CCDC198: variants seen among roughly 807,000 people sequenced by gnomAD.
CCDC198 encodes the protein factor associated with metabolism and energy.
CCDC198 carries 18 observed loss-of-function variants against 35.6 expected under a neutral mutation model. The observed-to-expected ratio is 0.51, with a 90% CI of 0.35 to 0.75. The LOEUF is 0.75. CCDC198 is among the 30% of genes least tolerant of loss of function. The probability of loss-of-function intolerance (pLI) is 0.01; values close to 1 mark genes in which losing one functional copy is unlikely to be tolerated. For synonymous variants in CCDC198, 119 were observed against 113.4 expected, an observed-to-expected ratio of 1.05 and a Z score of -0.31; for missense variants, 365 against 343.7, an observed-to-expected ratio of 1.06 and a Z score of -0.49.
chr14:57,493,719 A>T lies in CCDC198; in HGVS notation c.-4T>A. On this transcript the variant is annotated 5_prime_UTR_variant, in exon 1 of 6. The change abolishes an upstream ATG in the 5' untranslated region. Coordinates refer to ENST00000216445, the MANE Select transcript of CCDC198 (RefSeq NM_018168.4). ...TCTTAGAGTGACTCAGGCCCATTTC[A>T]TGTGAAAGACATTCAGAGGAAAGCT... 2 of 1,611,264 alleles carry T rather than the reference A, an allele frequency of 1.2e-6. No individual in the cohort carries two copies. Among genetic ancestry groups the T allele is most frequent in the Non-Finnish European group, 1.7e-6 (2 of 1,178,338 alleles).
chr14:57,474,999 C>T (rs568133640), intron 5 of CCDC198, among the ~76,000 whole-genome samples: 3 of 152,188 alleles, frequency 2.0e-5, no homozygotes, highest in Non-Finnish European at 4.4e-5. Context: ...CAGTGGCTCA[C>T]GCCTGTAATC....
intron 2 of CCDC198, among the ~76,000 whole-genome samples, chr14:57,490,003 GA>G: frequency 1.3e-5 from 2 of 151,862 alleles, no homozygotes; most frequent in Middle Eastern, 6.8e-3. Context: ...AATATTTTGG[GA>G]AAAGATACTC....
rs1053261980 is a variant in CCDC198, at chr14:57,469,635, A to G, written c.*1720T>C. ...ATTTTTTCTAGAAAGCTGGCTAGTCAAACAATGCATGCTTTCTTTTGGTGG... is the reference window on the plus strand; with the variant it reads ...ATTTTTTCTAGAAAGCTGGCTAGTCGAACAATGCATGCTTTCTTTTGGTGG... On this transcript the variant is annotated 3_prime_UTR_variant, in exon 6 of 6. Coordinates refer to ENST00000216445, the MANE Select transcript of CCDC198 (RefSeq NM_018168.4). 1.3e-5 allele frequency: 2 copies of G among 152,196 alleles called. No homozygotes were observed. Among genetic ancestry groups the G allele is most frequent in the Non-Finnish European group, 2.9e-5 (2 of 68,040 alleles). The allele number at this position is 152,196 out of a possible 1,614,324, so 9.4% of individuals were successfully genotyped here. A position where few individuals can be genotyped will look rare whatever the true frequency, so the allele number is the denominator to read the frequency against.
chr14:57,473,336 T>G (rs2066879189), intron 5 of CCDC198, among the ~76,000 whole-genome samples: 1 of 152,214 alleles, frequency 6.6e-6, no homozygotes, highest in Non-Finnish European at 1.5e-5. Context: ...CACCTCCACT[T>G]TGATATCTAC....
At chr14:57,475,502 T>C in intron 5 of CCDC198, 1 of 1,087,120 alleles carries the variant, frequency 9.2e-7, no homozygotes, top group Non-Finnish European at 1.2e-6. Flanking sequence ...AGGTCAGGAG[T>C]TCGAGACCAG....
At chr14:57,490,704 C>T (rs114651208) in intron 2 of CCDC198, among the ~76,000 whole-genome samples, 171 of 152,064 alleles carry the variant, frequency 1.1e-3, no homozygotes, top group African/African-American at 3.9e-3. Flanking sequence ...AGTTGTTTTC[C>T]CATAGTCACC....
intron 1 of CCDC198, among the ~76,000 whole-genome samples, chr14:57,491,303 C>T (rs531182262): frequency 2.3e-4 from 35 of 152,098 alleles, no homozygotes; most frequent in African/African-American, 8.4e-4. Context: ...CTCCTAACTT[C>T]CTACTCAGGT....
At chr14:57,475,792 T>TTTG (rs1201996328) in intron 5 of CCDC198, 1 of 120,552 alleles carries the variant, frequency 8.3e-6, no homozygotes, top group African/African-American at 1.1e-4. Context: ...TAGCTTCTTT[T>TTTG]TTTTTTTTTT....
chr14:57,473,274 T>C (rs559520900), intron 5 of CCDC198, among the ~76,000 whole-genome samples: 2 of 152,338 alleles, frequency 1.3e-5, no homozygotes, highest in East Asian at 3.9e-4. Context: ...TCTTAACGTC[T>C]GCAGCCCTGA....
rs2066807340 is a variant in CCDC198 at position 57,471,169 on chromosome 14, T to C, written c.*186A>G. On this transcript the variant is annotated 3_prime_UTR_variant, in exon 6 of 6. Transcript: ENST00000216445. ...TGGTTAGCCCCTGTGTTTTGAGGCA[T>C]TTAGTTATGCAGCAATAGTTAACAG... 11 of 520,448 alleles carry C rather than the reference T, an allele frequency of 2.1e-5. No homozygotes were observed. In the South Asian group the frequency reaches 3.1e-4, roughly 15 times the overall value. The allele number at this position is 520,448 out of a possible 1,614,324, so 32.2% of individuals were successfully genotyped here. A position where few individuals can be genotyped will look rare whatever the true frequency, so the allele number is the denominator to read the frequency against.
At chr14:57,473,399 C>G (rs1003237290) in intron 5 of CCDC198, among the ~76,000 whole-genome samples, 1 of 152,208 alleles carries the variant, frequency 6.6e-6, no homozygotes, top group Non-Finnish European at 1.5e-5. Flanking sequence ...TGCTTCTGCT[C>G]CTGGCTACCC....
intron 2 of CCDC198, among the ~76,000 whole-genome samples, chr14:57,483,548 C>T (rs2067257073): frequency 6.6e-6 from 1 of 152,158 alleles, no homozygotes. Flanking sequence ...ACTATTCCAG[C>T]CCTTAGGGAA....
chr14:57,476,454 T>C (rs1406292750), intron 5 of CCDC198, among the ~76,000 whole-genome samples: 1 of 152,132 alleles, frequency 6.6e-6, no homozygotes, highest in Non-Finnish European at 1.5e-5. Flanking sequence ...TTCATTCATG[T>C]CACAGCTTCA....
chr14:57,473,342 T>C (rs1401252355), intron 5 of CCDC198, among the ~76,000 whole-genome samples: 1 of 152,196 alleles, frequency 6.6e-6, no homozygotes, highest in African/African-American at 2.4e-5. Context: ...CACTTTGATA[T>C]CTACTTGGCA....
chr14:57,471,127 G>A lies in CCDC198; in HGVS notation c.*228C>T, dbSNP rs1249751829. On this transcript the variant is annotated 3_prime_UTR_variant, in exon 6 of 6. Coordinates refer to ENST00000216445, the MANE Select transcript of CCDC198 (RefSeq NM_018168.4). ...AACTCAGCAACCCACAGGAAAGTGA[G>A]ACAATAAAATGGCTCTTGGTTAGCC... is the stretch of plus-strand genomic sequence containing the variant. 2.3e-6 allele frequency: 1 copy of A among 430,424 alleles called. No homozygotes were observed. Among genetic ancestry groups the A allele is most frequent in the Non-Finnish European group, 4.1e-6 (1 of 241,786 alleles). 26.7% of individuals were successfully genotyped at this position (430,424 alleles called of 1,614,324 possible).
chr14:57,478,750 G>A, intron 5 of CCDC198: 1 of 1,070,800 alleles, frequency 9.3e-7, no homozygotes, highest in African/African-American at 1.6e-5. Context: ...AGACTTGGAA[G>A]TATAGGTTAA....
At chr14:57,480,048 G>T (rs1036525701) in intron 5 of CCDC198, among the ~76,000 whole-genome samples, 6 of 152,342 alleles carry the variant, frequency 3.9e-5, no homozygotes, top group East Asian at 1.9e-4. Context: ...CAGCTGTAGG[G>T]AGATAGGGAA....
At chr14:57,481,268 A>T (rs1013688747) in intron 4 of CCDC198, among the ~76,000 whole-genome samples, 14 of 152,218 alleles carry the variant, frequency 9.2e-5, no homozygotes, top group Admixed American at 8.5e-4. Flanking sequence ...ACCAAGAAAA[A>T]TGATCTAGCC....
At position 57,471,231 on chromosome 14, in the gene CCDC198, G is replaced by T; in HGVS notation, c.*124C>A. The T allele has an allele frequency of 1.4e-6, 1 of 690,094 alleles. No individual in the cohort carries two copies. Among genetic ancestry groups the T allele is most frequent in the Non-Finnish European group, 2.4e-6 (1 of 409,358 alleles). The allele number at this position is 690,094 out of a possible 1,614,324, so 42.7% of individuals were successfully genotyped here. A position where few individuals can be genotyped will look rare whatever the true frequency, so the allele number is the denominator to read the frequency against. The stretch of plus-strand genomic sequence containing the variant: ...GACTTGTTAATCATAAGACTCTAAA[G>T]ATATCATTTCTTTTTACCAAAGTGA... On this transcript the variant is annotated 3_prime_UTR_variant, in exon 6 of 6. Transcript: ENST00000216445.
Sources: gnomAD v4.1 joint callset for allele counts (sites outside exome capture counted in the v4.1 genomes callset) on GRCh38, gnomAD v4.1.1 for gene constraint, MANE v1.5 for transcripts, NCBI Gene and HGNC (gene_info 2026-07-23, HGNC 2026-07-21) for gene names.